The following OPHN1 variants were observed in gnomAD, a reference collection of about 807,000 sequenced individuals.
The protein encoded by OPHN1 is oligophrenin-1.
In OPHN1, 11 loss-of-function variants were observed where a neutral mutation model predicts 60.7. The ratio of observed to expected loss-of-function variants is 0.18; its 90% confidence interval spans 0.11 to 0.30. The LOEUF (loss-of-function observed/expected upper bound fraction) is 0.30. Ranked by LOEUF, OPHN1 falls within the 10% of genes least tolerant of loss-of-function variation. The probability of loss-of-function intolerance (pLI) is 1.00; values close to 1 mark genes in which losing one functional copy is unlikely to be tolerated. For synonymous variants in OPHN1, 226 were observed against 222.6 expected (o/e 1.02, Z -0.14); for missense variants, 449 against 611.0 (o/e 0.73, Z 2.80).
At chrX:68,221,822 A>C (rs935812314) in intron 6 of OPHN1, among the ~76,000 whole-genome samples, 3 of 85,726 alleles carry the variant, frequency 3.5e-5, no homozygotes, top group Non-Finnish European at 7.0e-5. Flanking sequence ...AACCATAAAA[A>C]CCCTAGAAGA....
At chrX:68,093,251 C>T (rs2077025271) in intron 19 of OPHN1, among the ~76,000 whole-genome samples, 1 of 111,539 alleles carries the variant, frequency 9.0e-6, no homozygotes, top group Non-Finnish European at 1.9e-5. Flanking sequence ...TGAGCTCCAA[C>T]ATTTACTTAC....
intron 5 of OPHN1, among the ~76,000 whole-genome samples, chrX:68,252,041 G>C (rs926802691): frequency 8.9e-6 from 1 of 111,780 alleles, no homozygotes; most frequent in African/African-American, 3.3e-5. Flanking sequence ...TTTGAGCCTA[G>C]CTTTGAAAGA....
intron 15 of OPHN1, among the ~76,000 whole-genome samples, chrX:68,174,465 T>TC (rs2077405092): frequency 1.3e-5 from 1 of 78,866 alleles, no homozygotes; most frequent in Non-Finnish European, 2.3e-5. Flanking sequence ...TTTATTAACT[T>TC]ATTCTTTTTT....
intron 18 of OPHN1, among the ~76,000 whole-genome samples, chrX:68,102,905 C>A (rs1232542780): frequency 9.0e-6 from 1 of 111,482 alleles, no homozygotes; most frequent in Non-Finnish European, 1.9e-5. Context: ...ACCAAAAAAA[C>A]CCCAGGACCA....
chrX:68,206,135 G>T (rs2077558637), intron 10 of OPHN1, among the ~76,000 whole-genome samples: 1 of 111,076 alleles, frequency 9.0e-6, no homozygotes, highest in South Asian at 3.8e-4. Flanking sequence ...ACTGCTTAAA[G>T]ATATTTGAGT....
chrX:68,114,133 A>C (rs1225970941), intron 16 of OPHN1, among the ~76,000 whole-genome samples: 1 of 111,039 alleles, frequency 9.0e-6, no homozygotes, highest in Non-Finnish European at 1.9e-5. Flanking sequence ...ATGCAGTGGG[A>C]CAAGTACGAT....
intron 2 of OPHN1, among the ~76,000 whole-genome samples, chrX:68,374,479 T>A (rs2147734104): frequency 9.1e-6 from 1 of 110,489 alleles, no homozygotes; most frequent in African/African-American, 3.3e-5. Flanking sequence ...TGAGACAGGG[T>A]CTGATTCTTT....
intron 15 of OPHN1, among the ~76,000 whole-genome samples, chrX:68,189,789 T>C (rs187824894): frequency 4.5e-5 from 5 of 111,931 alleles, no homozygotes; most frequent in African/African-American, 1.6e-4. Context: ...CTTTATACTC[T>C]GTGATATATT....
chrX:68,216,412 G>C (rs2077609298), intron 6 of OPHN1, among the ~76,000 whole-genome samples: 1 of 110,841 alleles, frequency 9.0e-6, no homozygotes, highest in Admixed American at 9.6e-5. Context: ...TTAAACGTCA[G>C]TGATCTAAAA....
rs186096010 is a variant in OPHN1 at position 68,120,078 on chromosome X, A to G, written c.1277-746T>C. ...TTCCCATCTCTCCCAAGAGGGGGAA[A>G]AAAAATTCCTGAGAAGAACTTAAGT... On this transcript the variant is annotated intron_variant, in intron 15 of 24. Transcript: ENST00000355520. 3.5e-3 allele frequency among the ~76,000 whole-genome samples: 392 copies of G among 111,544 alleles called. 3 individuals carry two copies. The highest frequency in any genetic ancestry group is 0.012 in the African/African-American group (364 of 30,662).
intron 2 of OPHN1, among the ~76,000 whole-genome samples, chrX:68,346,193 G>T (rs1271074648): frequency 9.0e-5 from 10 of 111,321 alleles, no homozygotes; most frequent in Admixed American, 4.8e-4. Flanking sequence ...ATCAACACAG[G>T]TACAAATTGT....
intron 21 of OPHN1, among the ~76,000 whole-genome samples, chrX:68,055,122 C>G: frequency 9.0e-6 from 1 of 111,570 alleles, no homozygotes; most frequent in Non-Finnish European, 1.9e-5. Context: ...ATCAGTTCTA[C>G]TCTAATCAAA....
At chrX:68,065,422 G>C (rs1169459264) in intron 20 of OPHN1, among the ~76,000 whole-genome samples, 2 of 111,894 alleles carry the variant, frequency 1.8e-5, no homozygotes, top group African/African-American at 6.5e-5. Flanking sequence ...ATGATGAGTA[G>C]GTTGGGGGAA....
chrX:68,240,118 A>T (rs1338397664), intron 5 of OPHN1, among the ~76,000 whole-genome samples: 1 of 112,291 alleles, frequency 8.9e-6, no homozygotes, highest in Non-Finnish European at 1.9e-5. Context: ...GCCAATTTTC[A>T]TTCTAACAGT....
At chrX:68,341,042 G>A (rs1358661867) in intron 2 of OPHN1, among the ~76,000 whole-genome samples, 3 of 107,122 alleles carry the variant, frequency 2.8e-5, no homozygotes, top group Non-Finnish European at 5.8e-5. Context: ...CCACCATGTG[G>A]CCTGCCTCAC....
chrX:68,234,393 G>A, intron 6 of OPHN1, 94 bp downstream of exon 6: 1 of 694,615 alleles, frequency 1.4e-6, no homozygotes. Flanking sequence ...TCCCTGCTGA[G>A]ACGGGGTATG....
chrX:68,182,741 T>C (rs1324232867), intron 15 of OPHN1, among the ~76,000 whole-genome samples: 1 of 111,254 alleles, frequency 9.0e-6, no homozygotes, highest in African/African-American at 3.3e-5. Flanking sequence ...TAAAACCCTG[T>C]TTCTACCAAA....
chrX:68,184,742 G>A (rs901217654), intron 15 of OPHN1, among the ~76,000 whole-genome samples: 51 of 109,410 alleles, frequency 4.7e-4, no homozygotes, highest in Non-Finnish European at 8.0e-4. Context: ...GATTACAGGC[G>A]CCCACCACCA....
At position 68,045,051 on chromosome X, in the gene OPHN1, G is replaced by A. The variant is rs779330126; in HGVS notation, c.*2121C>T. 9.0e-6 allele frequency: 1 copy of A among 111,564 alleles called. No individual in the cohort carries two copies. The highest frequency in any genetic ancestry group is 2.8e-4 in the East Asian group (1 of 3,510). 9.2% of individuals were successfully genotyped at this position (111,564 alleles called of 1,213,427 possible). On this transcript the variant is annotated 3_prime_UTR_variant, in exon 25 of 25. Coordinates refer to ENST00000355520, the MANE Select transcript of OPHN1 (RefSeq NM_002547.3). ...CTGCACACCTGTCTGCTTTATTCAGGATAGAGCAGGGAGGCCACAGCCCTG... is the reference window on the plus strand; with the variant it reads ...CTGCACACCTGTCTGCTTTATTCAGAATAGAGCAGGGAGGCCACAGCCCTG...
Sources: allele counts gnomAD v4.1 joint callset (sites outside exome capture counted in the v4.1 genomes callset), GRCh38; gene constraint gnomAD v4.1.1; transcripts MANE v1.5; gene names NCBI Gene and HGNC (gene_info 2026-07-23, HGNC 2026-07-21).